The following STEAP3 variants were observed in gnomAD, a reference collection of about 807,000 sequenced individuals.
STEAP3 encodes the protein STEAP3 metalloreductase.
Under a neutral mutation model 34.9 loss-of-function variants are expected in STEAP3, and 35 were observed. That is an observed-to-expected ratio of 1.00 (90% CI 0.76 to 1.33). STEAP3 has a LOEUF of 1.33. Ranked by LOEUF, STEAP3 falls within the 40% of genes most tolerant of loss-of-function variation. The probability of loss-of-function intolerance (pLI) is 0.00; values close to 1 mark genes in which losing one functional copy is unlikely to be tolerated. For synonymous variants in STEAP3, 281 were observed against 301.6 expected (o/e 0.93, Z 0.71); for missense variants, 652 against 667.6 (o/e 0.98, Z 0.26).
At chr2:119,254,595 G>A (rs12711924) in intron 4 of STEAP3, 89 bp from the exon 5 acceptor site, 539,723 of 1,504,736 alleles carry the variant, frequency 0.36, 103,439 homozygotes, top group East Asian at 0.66. Flanking sequence ...AGCGCCCGCC[G>A]TCTTGTCTTT....
rs200527547 is a variant in STEAP3 at position 119,245,579 on chromosome 2, C to A, written c.113C>A (p.Ala38Asp). The A allele has an allele frequency of 1.2e-5, 20 of 1,606,530 alleles. No homozygotes were observed. In the African/African-American group the frequency reaches 1.9e-4, roughly 15 times the overall value. ...DSSLAKVPDE[A>D]PKVGILGSGD... ...AGCCTTGCCAAGGTCCCCGATGAGGCCCCCAAAGTGGGCATCCTGGGTAGC... is the reference window on the plus strand; with the variant it reads ...AGCCTTGCCAAGGTCCCCGATGAGGACCCCAAAGTGGGCATCCTGGGTAGC... The change falls in exon 3 of 6, where the codon GCC becomes GAC. Residue 38 changes from alanine to aspartate, a missense_variant. Transcript: ENST00000393110.
chr2:119,263,192 G>C lies in STEAP3; in HGVS notation c.1351G>C (p.Val451Leu), dbSNP rs771999099. Residue 451 changes from valine (V) to leucine (L), a missense_variant, in exon 6 of 6, where the codon GTC becomes CTC. Val to Leu is a conservative substitution (Grantham distance 32, BLOSUM62 1). Transcript: ENST00000393110. ...CACGCTCACGCTGCTGGTGCCCTGC[G>C]TCGTCATCCTGGCCAAAGCCCTGTT... ...TFTLTLLVPC[V>L]VILAKALFLL... 3 of 1,614,010 alleles carry C rather than the reference G, an allele frequency of 1.9e-6. No homozygotes were observed.
At chr2:119,244,416 T>G (rs1490113976) in intron 2 of STEAP3, 2 of 151,736 alleles carry the variant, frequency 1.3e-5, no homozygotes, top group Non-Finnish European at 2.9e-5. Context: ...TTTTTTTTAT[T>G]TTTTTAGAGA....
At chr2:119,230,358 T>G (rs1676879947) in intron 1 of STEAP3, among the ~76,000 whole-genome samples, 1 of 151,252 alleles carries the variant, frequency 6.6e-6, no homozygotes, top group Non-Finnish European at 1.5e-5. Context: ...TTTGTGGGTC[T>G]GTCTGTCTGT....
intron 4 of STEAP3, among the ~76,000 whole-genome samples, chr2:119,252,818 C>T (rs1677662328): frequency 6.6e-6 from 1 of 152,174 alleles, no homozygotes; most frequent in Admixed American, 6.5e-5. Context: ...TCATCCCTCC[C>T]TTCCCAGCGT....
In STEAP3 at chr2:119,254,705, C is replaced by T. The variant is rs775713149; in HGVS notation, c.1072C>T (p.Leu358Phe). ...VKQVLANKSH[L>F]WVEEEVWRME... is the part of the protein sequence containing the mutation. ...TCAGGTCTTGGCCAACAAGAGCCAC[C>T]TCTGGGTGGAGGAGGAGGTCTGGCG... The change falls in exon 5 of 6, where the codon CTC (leucine) becomes TTC (phenylalanine). Residue 358 changes from leucine (L) to phenylalanine (F), a missense_variant. Coordinates refer to ENST00000393110, the MANE Select transcript of STEAP3 (RefSeq NM_182915.3). The T allele has an allele frequency of 1.9e-6, 3 of 1,614,160 alleles. No individual in the cohort carries two copies. The South Asian group carries it at 3.3e-5, about 18-fold the overall frequency.
At chr2:119,252,532 C>T (rs1229584727) in intron 4 of STEAP3, among the ~76,000 whole-genome samples, 1 of 152,198 alleles carries the variant, frequency 6.6e-6, no homozygotes, top group African/African-American at 2.4e-5. Context: ...AATCCCACAC[C>T]TGAATGCTGT....
At chr2:119,257,822 G>T (rs1467676094) in intron 5 of STEAP3, 7 of 1,029,430 alleles carry the variant, frequency 6.8e-6, no homozygotes, top group Non-Finnish European at 8.8e-6. Flanking sequence ...AGGGGCCTTG[G>T]CTGACCCCTA....
intron 2 of STEAP3, among the ~76,000 whole-genome samples, chr2:119,232,021 G>T (rs1676956750): frequency 6.6e-6 from 1 of 152,168 alleles, no homozygotes; most frequent in Non-Finnish European, 1.5e-5. Context: ...AAGCCTAGGG[G>T]TTCTAGGATA....
At chr2:119,257,183 G>A (rs1677798081) in intron 5 of STEAP3, among the ~76,000 whole-genome samples, 1 of 152,222 alleles carries the variant, frequency 6.6e-6, no homozygotes, top group African/African-American at 2.4e-5. Context: ...AAAGAAAACA[G>A]TGGAGTGTTT....
At chr2:119,247,245 T>G (rs867973977) in intron 3 of STEAP3, among the ~76,000 whole-genome samples, 1 of 152,172 alleles carries the variant, frequency 6.6e-6, no homozygotes, top group African/African-American at 2.4e-5. Context: ...GATTCTGAAC[T>G]GAGGGATGGA....
chr2:119,253,181 G>A (rs1468477705), intron 4 of STEAP3, among the ~76,000 whole-genome samples: 1 of 152,192 alleles, frequency 6.6e-6, no homozygotes, highest in African/African-American at 2.4e-5. Flanking sequence ...CTCCTAGGTA[G>A]AGAAACTGAG....
At chr2:119,254,558 G>C in intron 4 of STEAP3, 126 bp from the exon 5 acceptor site, 1 of 1,037,274 alleles carries the variant, frequency 9.6e-7, no homozygotes, top group Non-Finnish European at 1.5e-6. Flanking sequence ...GCTTATCACA[G>C]AGCCAGGTAG....
intron 1 of STEAP3, among the ~76,000 whole-genome samples, chr2:119,226,610 A>G (rs182765731): frequency 4.0e-4 from 61 of 152,118 alleles, no homozygotes; most frequent in Admixed American, 3.9e-3. Context: ...ATGGTTTTCA[A>G]ACATTGGGCT....
At chr2:119,247,058 G>A (rs10202732) in intron 3 of STEAP3, among the ~76,000 whole-genome samples, 1,807 of 152,282 alleles carry the variant, frequency 0.012, 37 homozygotes, top group African/African-American at 0.041. Context: ...CCAATGCAGT[G>A]TCAACAAGGC....
At chr2:119,231,661 C>G (rs904720245) in intron 2 of STEAP3, among the ~76,000 whole-genome samples, 1 of 152,002 alleles carries the variant, frequency 6.6e-6, no homozygotes, top group Non-Finnish European at 1.5e-5. Context: ...GGGATTGGCT[C>G]GAGTGTGCTT....
rs1477235110 is a variant in STEAP3, at chr2:119,232,762, G to A, written c.22+1728G>A. Among the ~76,000 whole-genome samples, 8 of 152,222 alleles carry A rather than the reference G, an allele frequency of 5.3e-5. No homozygotes were observed. In the East Asian group the frequency reaches 1.4e-3, roughly 26 times the overall value. ...TTTTAATACTAACATTAGCATGTGGGGAAGGGTGATCGAGATGGTGGGGAG... is the reference window on the plus strand; with the variant it reads ...TTTTAATACTAACATTAGCATGTGGAGAAGGGTGATCGAGATGGTGGGGAG... On this transcript the variant is annotated intron_variant, in intron 2 of 5. Coordinates refer to ENST00000393110, the MANE Select transcript of STEAP3 (RefSeq NM_182915.3).
intron 2 of STEAP3, among the ~76,000 whole-genome samples, chr2:119,242,602 T>C (rs2104812639): frequency 6.6e-6 from 1 of 152,314 alleles, no homozygotes; most frequent in African/African-American, 2.4e-5. Context: ...GGCACGGAGC[T>C]TCATTTCTGT....
At chr2:119,229,312 T>G (rs1679143426) in intron 1 of STEAP3, among the ~76,000 whole-genome samples, 1 of 152,060 alleles carries the variant, frequency 6.6e-6, no homozygotes, top group African/African-American at 2.4e-5. Flanking sequence ...CCAGCTAATT[T>G]TTGTATTATT....
Sources: gnomAD v4.1 joint callset for allele counts (sites outside exome capture counted in the v4.1 genomes callset) on GRCh38, gnomAD v4.1.1 for gene constraint, MANE v1.5 for transcripts, NCBI Gene and HGNC (gene_info 2026-07-23, HGNC 2026-07-21) for gene names.